Variants in CDH12 observed in about 807,000 individuals in gnomAD.
CDH12 encodes cadherin-12.
A neutral mutation model predicts 74.1 loss-of-function variants in CDH12; 41 were observed. The ratio of observed to expected loss-of-function variants is 0.55; its 90% CI spans 0.43 to 0.72. The LOEUF is 0.72. CDH12 is among the 30% of genes least tolerant of loss of function. The pLI is 0.00. For synonymous variants in CDH12, 399 were observed against 355.0 expected, an observed-to-expected ratio of 1.12 and a Z score of -1.39; for missense variants, 945 against 977.2, an observed-to-expected ratio of 0.97 and a Z score of 0.44.
In CDH12 at chr5:22,029,317, G is replaced by A. The variant is rs1240833324; in HGVS notation, c.231+49129C>T. On this transcript the variant is annotated intron_variant, in intron 5 of 14. Coordinates refer to ENST00000382254, the MANE Select transcript of CDH12 (RefSeq NM_004061.5). ...CAGCAAAAGAAACTACCATCAGAGT[G>A]AACAGGCAACCCACAAAATGGGAGA... is the stretch of plus-strand genomic sequence containing the variant. Among the ~76,000 whole-genome samples the A allele has an allele frequency of 4.6e-5, 7 of 152,206 alleles. No homozygotes were observed. The South Asian group carries it at 1.0e-3, about 23-fold the overall frequency.
chr5:22,038,640 C>T lies in CDH12; in HGVS notation c.231+39806G>A, dbSNP rs114093228. On this transcript the variant is annotated intron_variant, in intron 5 of 14. Coordinates refer to ENST00000382254, the MANE Select transcript of CDH12 (RefSeq NM_004061.5). ...CCATATACTTCTCTCAGCCACCATT[C>T]GTGCCTAAGTTGAAGCAATATTCTG... Among the ~76,000 whole-genome samples the T allele has an allele frequency of 4.6e-3, 704 of 152,280 alleles. 9 individuals are homozygous for T. Among genetic ancestry groups the T allele is most frequent in the African/African-American group, 0.016 (675 of 41,566 alleles).
chr5:22,206,402 T>A (rs1456648484), intron 4 of CDH12, among the ~76,000 whole-genome samples: 2 of 152,166 alleles, frequency 1.3e-5, no homozygotes, highest in African/African-American at 2.4e-5. Context: ...AATTTTTTTT[T>A]AAATCCCAAT....
intron 1 of CDH12, among the ~76,000 whole-genome samples, chr5:22,626,740 C>T (rs562211599): frequency 1.6e-4 from 25 of 152,262 alleles, no homozygotes; most frequent in Admixed American, 5.2e-4. Flanking sequence ...ATGGTTCTTA[C>T]ACAGGCTGAA....
chr5:22,215,412 A>G (rs1751766969), intron 3 of CDH12, among the ~76,000 whole-genome samples: 1 of 152,126 alleles, frequency 6.6e-6, no homozygotes, highest in Non-Finnish European at 1.5e-5. Flanking sequence ...CTGCTATTAA[A>G]AGTTATGTAT....
Position 22,498,685 on chromosome 5 carries a change from A to G in CDH12, c.-428+6585T>C, listed in dbSNP as rs186428020. On this transcript the variant is annotated intron_variant, in intron 2 of 14. Coordinates refer to ENST00000382254, the MANE Select transcript of CDH12 (RefSeq NM_004061.5). ...ATTATTTCTCAAATCTAGTCTGCCA[A>G]TGTTTAAGTCTTTTTTAGTTGTAGT... Among the ~76,000 whole-genome samples, 23 of 152,016 alleles carry G rather than the reference A, an allele frequency of 1.5e-4. No individual in the cohort carries two copies. In the East Asian group the frequency reaches 4.1e-3, roughly 27 times the overall value.
intron 1 of CDH12, among the ~76,000 whole-genome samples, chr5:22,709,546 T>G (rs183970461): frequency 6.6e-6 from 1 of 152,346 alleles, no homozygotes; most frequent in Admixed American, 6.5e-5. Flanking sequence ...ACTAAATAAT[T>G]AGCAAATGTA....
chr5:22,152,123 G>A (rs1444269333), intron 4 of CDH12: 1 of 152,022 alleles, frequency 6.6e-6, no homozygotes, highest in African/African-American at 2.4e-5. Context: ...ACTACCAGGA[G>A]ACTGGATCCG....
chr5:22,456,721 T>G lies in CDH12; in HGVS notation c.-428+48549A>C, dbSNP rs116094023. Among the ~76,000 whole-genome samples, 1,273 of 152,298 alleles carry G rather than the reference T, an allele frequency of 8.4e-3. 14 individuals carry two copies. Among genetic ancestry groups the G allele is most frequent in the African/African-American group, 0.029 (1,225 of 41,572 alleles). ...TTCATAATATAAATAAATTAGCTCATGCAAGTTTCAGTTTTGACATAATTT... is the reference window on the plus strand; with the variant it reads ...TTCATAATATAAATAAATTAGCTCAGGCAAGTTTCAGTTTTGACATAATTT... On this transcript the variant is annotated intron_variant, in intron 2 of 14. Coordinates refer to ENST00000382254, the MANE Select transcript of CDH12 (RefSeq NM_004061.5).
intron 1 of CDH12, among the ~76,000 whole-genome samples, chr5:22,585,254 G>A (rs1740323721): frequency 6.6e-6 from 1 of 152,016 alleles, no homozygotes; most frequent in African/African-American, 2.4e-5. Flanking sequence ...TTGCTGCTGG[G>A]GTGTAAAAGA....
At chr5:22,632,279 T>C (rs1411642536) in intron 1 of CDH12, among the ~76,000 whole-genome samples, 2 of 152,110 alleles carry the variant, frequency 1.3e-5, no homozygotes, top group African/African-American at 4.8e-5. Context: ...AATGAGACAT[T>C]TAAACCTCTT....
intron 1 of CDH12, among the ~76,000 whole-genome samples, chr5:22,583,813 T>C (rs1400396709): frequency 2.0e-5 from 3 of 152,156 alleles, no homozygotes; most frequent in South Asian, 2.1e-4. Context: ...AAAGATAATA[T>C]AGTGTCTTCA....
intron 10 of CDH12, among the ~76,000 whole-genome samples, chr5:21,797,674 A>G (rs747546735): frequency 1.3e-5 from 2 of 152,126 alleles, no homozygotes; most frequent in Non-Finnish European, 2.9e-5. Context: ...GTGACATAAA[A>G]TGTACAAAAT....
At chr5:22,698,735 AGT>A (rs374493879) in intron 1 of CDH12, among the ~76,000 whole-genome samples, 690 of 14,406 alleles carry the variant, frequency 0.048, 23 homozygotes, top group African/African-American at 0.11. Context: ...ATATATATAT[AGT>A]GTGTGTGTGT....
chr5:22,666,282 C>CCTTTTTTTTTTTTT (rs1740610193), intron 1 of CDH12, among the ~76,000 whole-genome samples: 1 of 83,534 alleles, frequency 1.2e-5, no homozygotes, highest in African/African-American at 4.7e-5. Context: ...ATCTCTCTAT[C>CCTTTTTTTTTTTTT]TTTTTTTTTT....
chr5:22,530,039 T>C (rs1042076108), intron 1 of CDH12, among the ~76,000 whole-genome samples: 9 of 152,192 alleles, frequency 5.9e-5, no homozygotes, highest in African/African-American at 9.6e-5. Context: ...ACTGTAATCA[T>C]TGAAATTTAA....
intron 2 of CDH12, among the ~76,000 whole-genome samples, chr5:22,433,804 C>A (rs571765018): frequency 6.6e-6 from 1 of 152,092 alleles, no homozygotes; most frequent in African/African-American, 2.4e-5. Flanking sequence ...TATGTGTGTA[C>A]CCATTTTATC....
At chr5:22,163,578 G>A (rs1489250105) in intron 4 of CDH12, among the ~76,000 whole-genome samples, 1 of 152,068 alleles carries the variant, frequency 6.6e-6, no homozygotes, top group Admixed American at 6.5e-5. Context: ...CATGCCATTG[G>A]TAGAATACTG....
chr5:22,434,387 A>C lies in CDH12; in HGVS notation c.-427-29036T>G, dbSNP rs533030585. Among the ~76,000 whole-genome samples, 8 of 152,250 alleles carry C rather than the reference A, an allele frequency of 5.3e-5. No homozygotes were observed. The South Asian group carries it at 1.7e-3, about 32-fold the overall frequency. On this transcript the variant is annotated intron_variant, in intron 2 of 14. Coordinates refer to ENST00000382254, the MANE Select transcript of CDH12 (RefSeq NM_004061.5). ...TCTTCAAATATGTGAGCCAATATTT[A>C]CAAATTACCTCCTCCATTTCAATTT...
chr5:22,427,611 T>C (rs1287282812), intron 2 of CDH12, among the ~76,000 whole-genome samples: 1 of 152,366 alleles, frequency 6.6e-6, no homozygotes, highest in Non-Finnish European at 1.5e-5. Flanking sequence ...AGTAGATACA[T>C]TGACTTTTAT....
Sources: gnomAD v4.1 joint callset for allele counts (sites outside exome capture counted in the v4.1 genomes callset) on GRCh38, gnomAD v4.1.1 for gene constraint, MANE v1.5 for transcripts, NCBI Gene and HGNC (gene_info 2026-07-23, HGNC 2026-07-21) for gene names.